ARL13B: variants seen among roughly 807,000 people sequenced by gnomAD.
ARL13B encodes ADP-ribosylation factor-like protein 13B.
Under a neutral mutation model 56.1 loss-of-function variants are expected in ARL13B, and 36 were observed. That is an observed-to-expected ratio of 0.64 (90% confidence interval 0.49 to 0.85). ARL13B has a LOEUF of 0.85. Among genes scored for constraint, ARL13B ranks in the 40% least tolerant of loss-of-function variants. ARL13B has a pLI of 0.00. For missense variants in ARL13B, 519 were observed against 507.1 expected (o/e 1.02, Z -0.23); for synonymous variants, 178 against 171.1 (o/e 1.04, Z -0.32).
At chr3:94,018,468 C>CT (rs966008002) in intron 3 of ARL13B, among the ~76,000 whole-genome samples, 1 of 151,974 alleles carries the variant, frequency 6.6e-6, no homozygotes, top group African/African-American at 2.4e-5. Flanking sequence ...TCACTATTTT[C>CT]TTTTTCCTGG....
chr3:93,998,607 T>C (rs2076004026), intron 2 of ARL13B, among the ~76,000 whole-genome samples: 1 of 152,222 alleles, frequency 6.6e-6, no homozygotes, highest in Admixed American at 6.5e-5. Flanking sequence ...CTACTGATGT[T>C]TAAAGATGTA....
chr3:94,004,022 A>AATGT, intron 3 of ARL13B, 114 bp downstream of exon 3: 1 of 1,459,302 alleles, frequency 6.9e-7, no homozygotes, highest in Non-Finnish European at 9.4e-7. Context: ...AGTATACTAA[A>AATGT]ATGTATGTAA....
chr3:94,043,544 TCCTCCCCCTC>T (rs2076903964), intron 7 of ARL13B, among the ~76,000 whole-genome samples: 2 of 280 alleles, frequency 7.1e-3, no homozygotes, highest in African/African-American at 0.032. Context: ...GCCCTCCCCC[TCCTCCCCCTC>T]CCCCCTCCCT....
At chr3:93,997,183 A>T (rs879907245) in intron 2 of ARL13B, among the ~76,000 whole-genome samples, 2 of 152,184 alleles carry the variant, frequency 1.3e-5, no homozygotes, top group Non-Finnish European at 2.9e-5. Flanking sequence ...TAATAATAAT[A>T]GAAATAAAGT....
At chr3:94,036,870 CT>C in intron 5 of ARL13B, 116 bp downstream of exon 5, 1 of 1,202,862 alleles carries the variant, frequency 8.3e-7, no homozygotes, top group Non-Finnish European at 1.2e-6. Flanking sequence ...AAGGAAGACA[CT>C]AGGTAAATTT....
chr3:94,037,993 A>G (rs1257689976), intron 5 of ARL13B, among the ~76,000 whole-genome samples: 1 of 152,168 alleles, frequency 6.6e-6, no homozygotes, highest in African/African-American at 2.4e-5. Flanking sequence ...CTCCATAATT[A>G]AAAGCAAATT....
chr3:94,044,824 C>T (rs1356386484), intron 7 of ARL13B, among the ~76,000 whole-genome samples: 14 of 146,798 alleles, frequency 9.5e-5, no homozygotes, highest in Non-Finnish European at 1.5e-5. Flanking sequence ...AAGTGGGGAG[C>T]GCCTCTGCCC....
rs142560605 is a variant in ARL13B at position 94,040,349 on chromosome 3, T to G, written c.798+361T>G. Among the ~76,000 whole-genome samples, 1,247 of 152,342 alleles carry G rather than the reference T, an allele frequency of 8.2e-3. 18 individuals are homozygous for G. The highest frequency in any genetic ancestry group is 0.029 in the African/African-American group (1,200 of 41,584). ...TTCTGTGTTTCTGTATTGCTGTTAC[T>G]GTCCATCTGCAATATTTACTTAGAA... On this transcript the variant is annotated intron_variant, in intron 6 of 9. Coordinates refer to ENST00000394222, the MANE Select transcript of ARL13B (RefSeq NM_001174150.2).
At chr3:94,029,328 A>T (rs187903370) in intron 3 of ARL13B, among the ~76,000 whole-genome samples, 10,332 of 98,582 alleles carry the variant, frequency 0.1, 1,237 homozygotes, top group African/African-American at 0.38. Context: ...ATATATATAT[A>T]TATATATTTA....
intron 1 of ARL13B, among the ~76,000 whole-genome samples, chr3:93,991,662 T>C (rs559150974): frequency 6.6e-6 from 1 of 152,336 alleles, no homozygotes; most frequent in Non-Finnish European, 1.5e-5. Flanking sequence ...TGAGCCACCA[T>C]GTCCGTCCAA....
chr3:94,054,408 T>C lies in ARL13B; in HGVS notation c.*1145T>C, dbSNP rs2077112790. On this transcript the variant is annotated 3_prime_UTR_variant, in exon 10 of 10. Coordinates refer to ENST00000394222, the MANE Select transcript of ARL13B (RefSeq NM_001174150.2). ...CTTAAGAATGGCATCCATAAGATTC[T>C]GTATTTGGCATTTAGACTAACTTCT... 2.6e-6 allele frequency: 1 copy of C among 389,128 alleles called. No individual in the cohort carries two copies. The highest frequency in any genetic ancestry group is 2.1e-5 in the African/African-American group (1 of 47,366). 24.1% of individuals were successfully genotyped at this position (389,128 alleles called of 1,614,324 possible). A position where few individuals can be genotyped will look rare whatever the true frequency, so the allele number is the denominator to read the frequency against.
At chr3:94,019,686 A>G (rs924887148) in intron 3 of ARL13B, among the ~76,000 whole-genome samples, 9 of 151,414 alleles carry the variant, frequency 5.9e-5, no homozygotes, top group Non-Finnish European at 1.2e-4. Context: ...CTTTGGCATT[A>G]TCTCTTAGAG....
intron 3 of ARL13B, among the ~76,000 whole-genome samples, chr3:94,032,090 ACTT>A (rs2076686482): frequency 6.6e-6 from 1 of 152,182 alleles, no homozygotes; most frequent in Non-Finnish European, 1.5e-5. Context: ...TTAAGTAAAA[ACTT>A]CTGCACAGCA....
At chr3:93,989,926 G>A (rs773266184) in intron 1 of ARL13B, among the ~76,000 whole-genome samples, 6 of 152,038 alleles carry the variant, frequency 3.9e-5, no homozygotes, top group Non-Finnish European at 7.4e-5. Flanking sequence ...AGGAGTAAGC[G>A]GCTCACTTTC....
At chr3:93,993,047 G>A (rs1480558684) in intron 1 of ARL13B, among the ~76,000 whole-genome samples, 1 of 150,428 alleles carries the variant, frequency 6.6e-6, no homozygotes, top group Non-Finnish European at 1.5e-5. Flanking sequence ...TCGAGTGATC[G>A]GCCCTCCTCA....
At chr3:94,021,349 C>T (rs1378572633) in intron 3 of ARL13B, among the ~76,000 whole-genome samples, 3 of 151,896 alleles carry the variant, frequency 2.0e-5, no homozygotes, top group Admixed American at 6.6e-5. Flanking sequence ...TGCCCATCAC[C>T]ATGCCCAGAT....
chr3:94,026,434 C>A (rs147728202), intron 3 of ARL13B, among the ~76,000 whole-genome samples: 287 of 152,236 alleles, frequency 1.9e-3, no homozygotes, highest in African/African-American at 6.6e-3. Flanking sequence ...CCTTGTTCAT[C>A]TGTGTAGAAA....
At chr3:94,004,020 A>G in intron 3 of ARL13B, 112 bp downstream of exon 3, 1 of 1,478,266 alleles carries the variant, frequency 6.8e-7, no homozygotes, top group South Asian at 1.2e-5. Context: ...TTAGTATACT[A>G]AAATGTATGT....
At chr3:94,006,932 G>C (rs2076145691) in intron 3 of ARL13B, among the ~76,000 whole-genome samples, 1 of 152,106 alleles carries the variant, frequency 6.6e-6, no homozygotes, top group South Asian at 2.1e-4. Flanking sequence ...TAGGGGATGG[G>C]GGCTGTAGAA....
Sources: gnomAD v4.1 joint callset for allele counts (sites outside exome capture counted in the v4.1 genomes callset) on GRCh38, gnomAD v4.1.1 for gene constraint, MANE v1.5 for transcripts, NCBI Gene and HGNC (gene_info 2026-07-23, HGNC 2026-07-21) for gene names.